SPMIP2: variants seen among roughly 807,000 people sequenced by gnomAD.
SPMIP2 encodes the protein protein SPMIP2.
At chr4:158,926,834 T>C in the SPMIP2 span, among the ~76,000 whole-genome samples, 2 of 152,104 alleles carry the variant, frequency 1.3e-5, no homozygotes, top group African/African-American at 2.4e-5. Context: ...ATGAAAATAA[T>C]AGACACTGGG....
the SPMIP2 span, among the ~76,000 whole-genome samples, chr4:159,008,108 A>G: frequency 1.3e-5 from 2 of 152,130 alleles, no homozygotes; most frequent in Non-Finnish European, 2.9e-5. Flanking sequence ...ATTTTTAAAA[A>G]GAAATGCTAC....
the SPMIP2 span, among the ~76,000 whole-genome samples, chr4:159,012,793 G>A: frequency 1.1e-4 from 16 of 151,670 alleles, no homozygotes; most frequent in African/African-American, 3.6e-4. Context: ...GGGTGGTCTC[G>A]AACTCCTGGG....
the SPMIP2 span, among the ~76,000 whole-genome samples, chr4:158,957,737 T>A: frequency 6.6e-6 from 1 of 152,174 alleles, no homozygotes; most frequent in Non-Finnish European, 1.5e-5. Context: ...ACCTATCTTG[T>A]CAACATCAGC....
chr4:158,953,604 C>T, the SPMIP2 span, among the ~76,000 whole-genome samples: 1 of 152,318 alleles, frequency 6.6e-6, no homozygotes, highest in Non-Finnish European at 1.5e-5. Flanking sequence ...GTCCTCCAGA[C>T]CCCAGAATGG....
At chr4:159,047,388 T>A in the SPMIP2 span, among the ~76,000 whole-genome samples, 2 of 152,230 alleles carry the variant, frequency 1.3e-5, no homozygotes, top group Non-Finnish European at 2.9e-5. Context: ...ATTTTGTATT[T>A]AAAAAATTTC....
chr4:158,983,037 G>A, the SPMIP2 span, among the ~76,000 whole-genome samples: 1,560 of 152,236 alleles, frequency 0.01, 26 homozygotes, highest in African/African-American at 0.036. Flanking sequence ...GAGCCGATGC[G>A]ATCAACTGGA....
chr4:159,033,022 A>G, the SPMIP2 span, among the ~76,000 whole-genome samples: 1 of 152,214 alleles, frequency 6.6e-6, no homozygotes, highest in Non-Finnish European at 1.5e-5. Flanking sequence ...ATTTCTCACA[A>G]TTGCCAAAAA....
At chr4:158,960,056 G>GT in the SPMIP2 span, among the ~76,000 whole-genome samples, 1 of 151,920 alleles carries the variant, frequency 6.6e-6, no homozygotes, top group South Asian at 2.1e-4. Context: ...TAGTCTAACA[G>GT]TTTCTCATTC....
At chr4:158,898,156 G>A in the SPMIP2 span, among the ~76,000 whole-genome samples, 20 of 152,084 alleles carry the variant, frequency 1.3e-4, no homozygotes, top group Non-Finnish European at 2.6e-4. Context: ...GTAGATGTGT[G>A]GTGGTATTTC....
the SPMIP2 span, among the ~76,000 whole-genome samples, chr4:159,002,184 G>A: frequency 5.9e-5 from 9 of 151,980 alleles, no homozygotes; most frequent in East Asian, 1.5e-3. Flanking sequence ...TTATTTTCCT[G>A]TAAATTTGTT....
the SPMIP2 span, among the ~76,000 whole-genome samples, chr4:158,987,510 T>C: frequency 6.6e-6 from 1 of 152,282 alleles, no homozygotes; most frequent in East Asian, 1.9e-4. Flanking sequence ...GAAATCATCA[T>C]TTTCAGTCAA....
chr4:159,064,093 C>T, the SPMIP2 span, among the ~76,000 whole-genome samples: 2 of 152,262 alleles, frequency 1.3e-5, no homozygotes, highest in African/African-American at 2.4e-5. Context: ...TGCCTGTAAT[C>T]GCAGCTACTC....
the SPMIP2 span, among the ~76,000 whole-genome samples, chr4:159,023,729 C>A: frequency 1.3e-5 from 2 of 152,164 alleles, no homozygotes; most frequent in Non-Finnish European, 2.9e-5. Flanking sequence ...TCCTCAGTAA[C>A]CACCCTTGCC....
the SPMIP2 span, among the ~76,000 whole-genome samples, chr4:158,945,393 C>T: frequency 6.6e-6 from 1 of 152,110 alleles, no homozygotes; most frequent in Non-Finnish European, 1.5e-5. Context: ...ATGGAAAGGA[C>T]CATGCTGCAA....
the SPMIP2 span, among the ~76,000 whole-genome samples, chr4:158,922,760 T>C: frequency 6.6e-6 from 1 of 152,140 alleles, no homozygotes; most frequent in Non-Finnish European, 1.5e-5. Context: ...CATTCTCCCC[T>C]TCCTCCAGCC....
the SPMIP2 span, among the ~76,000 whole-genome samples, chr4:158,971,791 T>C: frequency 0.012 from 1,871 of 152,248 alleles, 19 homozygotes; most frequent in Non-Finnish European, 0.019. Flanking sequence ...AGAAAAAATA[T>C]CCTAGAACTA....
chr4:158,989,538 G>A, the SPMIP2 span, among the ~76,000 whole-genome samples: 1 of 152,124 alleles, frequency 6.6e-6, no homozygotes, highest in Non-Finnish European at 1.5e-5. Flanking sequence ...CAGATATATA[G>A]ACCGATGGAA....
At chr4:158,923,329 T>C in the SPMIP2 span, among the ~76,000 whole-genome samples, 2 of 152,336 alleles carry the variant, frequency 1.3e-5, no homozygotes, top group Admixed American at 1.3e-4. Context: ...ATTGAATCTG[T>C]AGATCTATTT....
the SPMIP2 span, among the ~76,000 whole-genome samples, chr4:159,033,340 T>A: frequency 6.6e-6 from 1 of 152,130 alleles, no homozygotes; most frequent in Non-Finnish European, 1.5e-5. Context: ...AGAGATTTTT[T>A]AAGTGGTGAA....
Sources: gnomAD v4.1 joint callset for allele counts (sites outside exome capture counted in the v4.1 genomes callset) on GRCh38, gnomAD v4.1.1 for gene constraint, MANE v1.5 for transcripts, NCBI Gene and HGNC (gene_info 2026-07-23, HGNC 2026-07-21) for gene names.